CUX1: variants seen among roughly 807,000 people sequenced by gnomAD.
The protein encoded by CUX1 is protein CASP.
CUX1 carries 31 observed loss-of-function variants against 158.8 expected under a neutral mutation model. The ratio of observed to expected loss-of-function variants is 0.20; its 90% CI spans 0.15 to 0.26. The LOEUF (loss-of-function observed/expected upper bound fraction) is 0.26. CUX1 is among the 10% of genes least tolerant of loss of function. The pLI, the probability that CUX1 is intolerant of heterozygous loss-of-function variation, is 1.00. For missense variants in CUX1, 1,589 were observed against 2,014.6 expected (o/e 0.79, Z 4.04); for synonymous variants, 879 against 862.1 (o/e 1.02, Z -0.34).
intron 8 of CUX1, among the ~76,000 whole-genome samples, chr7:102,122,527 T>C (rs1222597532): frequency 6.6e-6 from 1 of 152,172 alleles, no homozygotes; most frequent in Non-Finnish European, 1.5e-5. Flanking sequence ...AGGATTTTCC[T>C]TGTCTTTTGT....
chr7:101,982,705 GT>G (rs1375807011), intron 2 of CUX1, among the ~76,000 whole-genome samples: 1 of 152,074 alleles, frequency 6.6e-6, no homozygotes, highest in Non-Finnish European at 1.5e-5. Context: ...GGGATTACAG[GT>G]GTGAGCCAAC....
chr7:102,262,307 A>C (rs1554544051), downstream of CUX1, among the ~76,000 whole-genome samples: 1 of 152,166 alleles, frequency 6.6e-6, no homozygotes, highest in African/African-American at 2.4e-5. Context: ...CTGAGGCAGG[A>C]GAATCGCTTG....
intron 2 of CUX1, among the ~76,000 whole-genome samples, chr7:101,936,488 C>T (rs990425542): frequency 3.3e-5 from 5 of 152,102 alleles, no homozygotes; most frequent in African/African-American, 1.2e-4. Context: ...AGATGGGAAC[C>T]CCGGGGAGGA....
chr7:101,867,149 G>A (rs568967121), intron 1 of CUX1, among the ~76,000 whole-genome samples: 4 of 152,074 alleles, frequency 2.6e-5, no homozygotes, highest in Non-Finnish European at 4.4e-5. Context: ...CCTCGGAGGC[G>A]GAGGCTGCAG....
chr7:102,117,336 T>G (rs1267132785), intron 8 of CUX1, among the ~76,000 whole-genome samples: 1 of 135,772 alleles, frequency 7.4e-6, no homozygotes, highest in Non-Finnish European at 1.5e-5. Context: ...AGGCAGAGAT[T>G]GCAATGAGCC....
At chr7:101,903,372 C>G (rs10081174) in intron 1 of CUX1, among the ~76,000 whole-genome samples, 31,547 of 151,930 alleles carry the variant, frequency 0.21, 5,023 homozygotes, top group East Asian at 0.84. Flanking sequence ...CTGGCTGGGT[C>G]GGGGGAATTA....
chr7:102,251,757 CTT>C lies in CUX1; in HGVS notation c.*2717_*2718del. Reference sequence around the variant, plus strand: ...ACTTTTGTCATCATGTGTGATGAATCTTTAAATATCGTCTAATTTTCATAAGA... The same window carrying C: ...ACTTTTGTCATCATGTGTGATGAATCTAAATATCGTCTAATTTTCATAAGA... On this transcript the variant is annotated 3_prime_UTR_variant, in exon 24 of 24. Transcript: ENST00000292535. 1 of 985,178 alleles carries C rather than the reference CTT, an allele frequency of 1.0e-6. No homozygotes were observed. The highest frequency in any genetic ancestry group is 1.2e-6 in the Non-Finnish European group (1 of 829,800). The allele number at this position is 985,178 out of a possible 1,614,324, so 61.0% of individuals were successfully genotyped here.
chr7:102,062,231 C>T (rs1824964645), intron 3 of CUX1, among the ~76,000 whole-genome samples: 1 of 152,182 alleles, frequency 6.6e-6, no homozygotes, highest in Non-Finnish European at 1.5e-5. Context: ...GTTGCTGTTA[C>T]ACCACAAGTC....
chr7:102,003,338 C>CACACA (rs1816945829), intron 2 of CUX1, among the ~76,000 whole-genome samples: 1 of 93,296 alleles, frequency 1.1e-5, no homozygotes, highest in Admixed American at 9.8e-5. Context: ...ACACACACGC[C>CACACA]CGCCCCCCGC....
intron 10 of CUX1, among the ~76,000 whole-genome samples, chr7:102,175,300 A>C (rs75060291): frequency 2.0e-5 from 3 of 152,190 alleles, no homozygotes; most frequent in Admixed American, 2.0e-4. Flanking sequence ...TGTAAAACCC[A>C]CATTCCCTTG....
chr7:101,882,172 G>A (rs1799788085), intron 1 of CUX1, among the ~76,000 whole-genome samples: 2 of 152,140 alleles, frequency 1.3e-5, no homozygotes, highest in East Asian at 1.9e-4. Context: ...GCAACAGAGT[G>A]AGATCCTATC....
chr7:101,916,275 G>A lies in CUX1; in HGVS notation c.141+50G>A, dbSNP rs1247338060. On this transcript the variant is annotated intron_variant, in intron 2 of 23. Coordinates refer to ENST00000292535, the MANE Select transcript of CUX1 (RefSeq NM_181552.4). This position sits in a 1 kb window ranked among gnomAD's most constrained non-coding sequence, Gnocchi z 4.4. ...GCTTTGAAGGGATCTTAGAATGCTG[G>A]TGCATGTTCAGGCGACGCTCCGTGA... The A allele has an allele frequency of 3.3e-6, 4 of 1,209,224 alleles. No individual in the cohort carries two copies. The highest frequency in any genetic ancestry group is 1.2e-5 in the South Asian group (1 of 82,742). The allele number at this position is 1,209,224 out of a possible 1,614,324, so 74.9% of individuals were successfully genotyped here.
chr7:101,980,000 G>A (rs909397426), intron 2 of CUX1, among the ~76,000 whole-genome samples: 5 of 152,096 alleles, frequency 3.3e-5, no homozygotes, highest in South Asian at 2.1e-4. Context: ...TGTTTCCAGC[G>A]CTGTGAGTAT....
intron 1 of CUX1, among the ~76,000 whole-genome samples, chr7:101,886,356 A>G (rs1284078966): frequency 6.6e-6 from 1 of 151,898 alleles, no homozygotes; most frequent in African/African-American, 2.4e-5. Flanking sequence ...GCCATGCCCA[A>G]CTAATTTTTT....
chr7:101,972,338 G>T (rs926548363), intron 2 of CUX1, among the ~76,000 whole-genome samples: 1 of 152,228 alleles, frequency 6.6e-6, no homozygotes, highest in African/African-American at 2.4e-5. Flanking sequence ...TAGAACCAGA[G>T]AATGAACTCT....
At chr7:101,859,876 TTCTTC>T (rs1377763771) in intron 1 of CUX1, among the ~76,000 whole-genome samples, 1 of 151,888 alleles carries the variant, frequency 6.6e-6, no homozygotes, top group Non-Finnish European at 1.5e-5. Context: ...TTTCTTTTCT[TTCTTC>T]TCTTTCTTTC....
At chr7:102,061,492 C>T (rs922099070) in intron 3 of CUX1, among the ~76,000 whole-genome samples, 3 of 152,192 alleles carry the variant, frequency 2.0e-5, no homozygotes, top group Non-Finnish European at 2.9e-5. Context: ...AGGGCTGCCA[C>T]GGCTTTGATC....
intron 2 of CUX1, among the ~76,000 whole-genome samples, chr7:102,001,760 G>A (rs991673229): frequency 4.6e-5 from 7 of 152,236 alleles, no homozygotes; most frequent in Non-Finnish European, 4.4e-5. Context: ...CACACAACAG[G>A]TTCTTGATAA....
intron 2 of CUX1, among the ~76,000 whole-genome samples, chr7:101,995,834 C>T (rs940239213): frequency 3.3e-5 from 5 of 152,062 alleles, no homozygotes; most frequent in East Asian, 1.9e-4. Flanking sequence ...GATGCAGGAC[C>T]GGCTGCGGTG....
Sources: gnomAD v4.1 joint callset for allele counts (sites outside exome capture counted in the v4.1 genomes callset) on GRCh38, gnomAD v4.1.1 for gene constraint, Gnocchi (gnomAD v3.1) non-coding constraint, MANE v1.5 for transcripts, NCBI Gene and HGNC (gene_info 2026-07-23, HGNC 2026-07-21) for gene names.